Variants in A4GALT observed in about 807,000 individuals in gnomAD.
The protein encoded by A4GALT is lactosylceramide 4-alpha-galactosyltransferase.
For missense variants in A4GALT, 512 were observed against 486.0 expected (o/e 1.05, Z -0.50); for synonymous variants, 257 against 220.7 (o/e 1.16, Z -1.46).
At chr22:42,719,598 G>A (rs1251139194) in intron 1 of A4GALT, among the ~76,000 whole-genome samples, 1 of 152,176 alleles carries the variant, frequency 6.6e-6, no homozygotes, top group Non-Finnish European at 1.5e-5. Flanking sequence ...AGTGTAGCAG[G>A]GTTTCGGGTC....
At chr22:42,720,478 C>T (rs1922622496) in intron 1 of A4GALT, among the ~76,000 whole-genome samples, 1 of 152,190 alleles carries the variant, frequency 6.6e-6, no homozygotes, top group African/African-American at 2.4e-5. Flanking sequence ...GCCCTCTCTC[C>T]AGCCCCGGGA....
chr22:42,716,701 T>C, intron 1 of A4GALT, among the ~76,000 whole-genome samples: 1 of 152,140 alleles, frequency 6.6e-6, no homozygotes, highest in Non-Finnish European at 1.5e-5. Context: ...TGCTTGACTC[T>C]GAGACTCAGT....
chr22:42,706,968 T>C (rs1364397149), intron 1 of A4GALT, among the ~76,000 whole-genome samples: 1 of 152,132 alleles, frequency 6.6e-6, no homozygotes, highest in African/African-American at 2.4e-5. Flanking sequence ...CATCAAATAA[T>C]ACTGTAGCAA....
At chr22:42,716,421 T>C (rs533567567) in intron 1 of A4GALT, among the ~76,000 whole-genome samples, 5 of 152,264 alleles carry the variant, frequency 3.3e-5, no homozygotes, top group African/African-American at 1.2e-4. Flanking sequence ...AACAATGGCG[T>C]GTATTTTCTG....
At chr22:42,698,900 C>T (rs1016116525) in intron 1 of A4GALT, among the ~76,000 whole-genome samples, 2 of 152,058 alleles carry the variant, frequency 1.3e-5, no homozygotes, top group African/African-American at 4.8e-5. Flanking sequence ...GTCCTCTCTG[C>T]TACACTCCCA....
upstream of A4GALT, chr22:42,720,928 CCCCGCCCCG>C (rs1363996243): frequency 1.6e-4 from 24 of 148,590 alleles, no homozygotes; most frequent in African/African-American, 5.9e-4. Context: ...GGTCAGGCCG[CCCCGCCCCG>C]CCCGTCCCGA....
chr22:42,702,326 G>GA (rs902478199), intron 1 of A4GALT, among the ~76,000 whole-genome samples: 19 of 151,266 alleles, frequency 1.3e-4, no homozygotes, highest in Admixed American at 7.9e-4. Context: ...TCCCCCACCA[G>GA]AGGAACACAC....
intron 1 of A4GALT, among the ~76,000 whole-genome samples, chr22:42,717,769 C>A (rs28992177): frequency 2.0e-5 from 3 of 152,142 alleles, no homozygotes; most frequent in Admixed American, 2.0e-4. Flanking sequence ...CACACACCCA[C>A]GCACGCACAA....
At chr22:42,720,153 G>A (rs1208461279) in intron 1 of A4GALT, among the ~76,000 whole-genome samples, 1 of 151,978 alleles carries the variant, frequency 6.6e-6, no homozygotes, top group African/African-American at 2.4e-5. Context: ...GGGCGCCTGC[G>A]GATCCGAGGC....
chr22:42,717,902 C>A (rs1056744371), intron 1 of A4GALT, among the ~76,000 whole-genome samples: 1 of 152,164 alleles, frequency 6.6e-6, no homozygotes. Context: ...CACAAAGAAC[C>A]TGGCTTCTCG....
chr22:42,714,274 CAAAAAAAAAAAAAAAA>C lies in A4GALT; in HGVS notation c.-188+6507_-188+6522del, dbSNP rs1163088658. Among the ~76,000 whole-genome samples, 13 of 16,162 alleles carry C rather than the reference CAAAAAAAAAAAAAAAA, an allele frequency of 8.0e-4. No individual in the cohort carries two copies. In the South Asian group the frequency reaches 0.049, roughly 61 times the overall value. The allele number at this position is 16,162 out of a possible 152,430, so 10.6% of individuals were successfully genotyped here. ...TGGGCAACAGAGCAAGACTCTGTCT[CAAAAAAAAAAAAAAAA>C]AAAAAAAAAAAAAAAAGGCAGGAAT... is the stretch of plus-strand genomic sequence containing the variant. On this transcript the variant is annotated intron_variant, in intron 1 of 2. Transcript: ENST00000642412.
At position 42,693,039 on chromosome 22, in the gene A4GALT, G is replaced by C; in HGVS notation, c.913C>G (p.Pro305Ala). The C allele has an allele frequency of 6.2e-7, 1 of 1,612,626 alleles. No homozygotes were observed. Among genetic ancestry groups the C allele is most frequent in the Non-Finnish European group, 8.5e-7 (1 of 1,179,048 alleles). The change falls in exon 3 of 3, where the codon CCG becomes GCG. Residue 305 changes from proline (P) to alanine (A), a missense_variant. Pro to Ala is a conservative substitution (Grantham distance 27). Transcript: ENST00000642412. ...YFEDINPEEL[P>A]RLLSATYAVH... The stretch of plus-strand genomic sequence containing the variant: ...GCATAGGTGGCACTGAGCAGCCGCG[G>C]CAGCTCCTCGGGGTTGATGTCCTCA...
rs753250465 is a variant in A4GALT, at chr22:42,703,057, C to CTCTGTGTGTGTGTG, written c.-187-7427_-187-7426insCACACACACACAGA. 3.1e-3 allele frequency among the ~76,000 whole-genome samples: 413 copies of CTCTGTGTGTGTGTG among 134,412 alleles called. 20 individuals are homozygous for CTCTGTGTGTGTGTG. The highest frequency in any genetic ancestry group is 0.013 in the African/African-American group (398 of 31,026). The allele number at this position is 134,412 out of a possible 152,430, so 88.2% of individuals were successfully genotyped here. ...GCCTTGGCTGGCACATGCTGCCCTG[C>CTCTGTGTGTGTGTG]TGTGTGTGTGTGTGTGTGTGTGTGT... is the stretch of plus-strand genomic sequence containing the variant. On this transcript the variant is annotated intron_variant, in intron 1 of 2. Transcript: ENST00000642412.
intron 1 of A4GALT, among the ~76,000 whole-genome samples, chr22:42,699,055 G>A (rs1384299633): frequency 3.3e-5 from 5 of 151,960 alleles, no homozygotes; most frequent in African/African-American, 9.7e-5. Flanking sequence ...AGCCCTAGGG[G>A]CTGCTCTATG....
chr22:42,697,038 G>A (rs1930984813), intron 1 of A4GALT, among the ~76,000 whole-genome samples: 1 of 151,200 alleles, frequency 6.6e-6, no homozygotes, highest in Non-Finnish European at 1.5e-5. Flanking sequence ...CTACTTATTT[G>A]CTTTGGTTGT....
At chr22:42,703,411 G>A (rs1400037333) in intron 1 of A4GALT, among the ~76,000 whole-genome samples, 4 of 151,678 alleles carry the variant, frequency 2.6e-5, no homozygotes, top group South Asian at 2.1e-4. Context: ...ACCTGCCACC[G>A]CGCCTGGCTA....
intron 1 of A4GALT, among the ~76,000 whole-genome samples, chr22:42,714,642 G>A (rs1424973961): frequency 6.6e-6 from 1 of 152,082 alleles, no homozygotes; most frequent in Non-Finnish European, 1.5e-5. Context: ...CAGGCATGGT[G>A]GCTGGCACCT....
intron 1 of A4GALT, chr22:42,718,321 G>A (rs1922373726): frequency 2.6e-5 from 4 of 152,206 alleles, no homozygotes; most frequent in African/African-American, 9.6e-5. Context: ...GAGTGCAGTG[G>A]CGCCATCTCG....
chr22:42,718,122 C>T (rs1357554387), intron 1 of A4GALT: 1 of 152,104 alleles, frequency 6.6e-6, no homozygotes, highest in African/African-American at 2.4e-5. Context: ...GATCCAATAA[C>T]TCAACATGAC....
Sources: allele counts gnomAD v4.1 joint callset (sites outside exome capture counted in the v4.1 genomes callset), GRCh38; gene constraint gnomAD v4.1.1; transcripts MANE v1.5; gene names NCBI Gene and HGNC (gene_info 2026-07-23, HGNC 2026-07-21).